The following USP24 variants were observed in gnomAD, a reference collection of about 807,000 sequenced individuals.
USP24 encodes ubiquitin specific peptidase 24, also known as ubiquitin carboxyl-terminal hydrolase 24.
USP24 carries 97 observed loss-of-function variants against 361.6 expected under a neutral mutation model. That is an observed-to-expected ratio of 0.27 (90% CI 0.23 to 0.32). USP24 has a LOEUF of 0.32. Among genes scored for constraint, USP24 ranks in the 10% least tolerant of loss-of-function variants. The pLI is 1.00. For synonymous variants in USP24, 1,098 were observed against 1,124.6 expected, an observed-to-expected ratio of 0.98 and a Z score of 0.47; for missense variants, 2,353 against 3,165.6, an observed-to-expected ratio of 0.74 and a Z score of 6.16.
At chr1:55,081,446 T>G in intron 58 of USP24, 22 bp from the exon 59 acceptor site, 1 of 1,606,200 alleles carries the variant, frequency 6.2e-7, no homozygotes, top group Non-Finnish European at 8.5e-7. Flanking sequence ...GAAGATAAAG[T>G]GGCTGTTAGT....
chr1:55,153,618 C>T (rs965114433), intron 16 of USP24, among the ~76,000 whole-genome samples: 2 of 151,994 alleles, frequency 1.3e-5, no homozygotes, highest in African/African-American at 4.8e-5. Context: ...AGTTGAAAAT[C>T]TTCTAATTTT....
At chr1:55,095,112 G>A in intron 51 of USP24, 143 bp downstream of exon 51, 1 of 1,002,002 alleles carries the variant, frequency 1.0e-6, no homozygotes, top group Non-Finnish European at 1.4e-6. Context: ...GAAGCAATAA[G>A]GGATTTATTT....
chr1:55,151,678 T>A (rs1228595989), intron 16 of USP24, among the ~76,000 whole-genome samples: 3 of 152,018 alleles, frequency 2.0e-5, no homozygotes, highest in Non-Finnish European at 2.9e-5. Context: ...AGGGAAGGAT[T>A]GGGGTAGACA....
At chr1:55,162,394 T>C (rs150433271) in intron 7 of USP24, 130 bp from the exon 8 acceptor site, 152 of 607,458 alleles carry the variant, frequency 2.5e-4, no homozygotes, top group Middle Eastern at 1.6e-3. Context: ...AATAGAAGAC[T>C]AGAGAAACTA....
At chr1:55,100,628 A>T (rs1645610123) in intron 44 of USP24, among the ~76,000 whole-genome samples, 1 of 152,216 alleles carries the variant, frequency 6.6e-6, no homozygotes, top group Non-Finnish European at 1.5e-5. Context: ...AATTAAGATG[A>T]GCAAATTCCT....
intron 25 of USP24, 68 bp downstream of exon 25, chr1:55,138,876 G>C: frequency 2.0e-6 from 3 of 1,518,704 alleles, no homozygotes; most frequent in Non-Finnish European, 2.7e-6. Context: ...TGCTAGAAAG[G>C]CTGAGGTGGG....
chr1:55,105,607 C>G (rs1178853670), intron 41 of USP24, among the ~76,000 whole-genome samples: 1 of 152,140 alleles, frequency 6.6e-6, no homozygotes, highest in Non-Finnish European at 1.5e-5. Flanking sequence ...CTTCCTACCT[C>G]CAAGAGTATA....
At chr1:55,174,295 G>T (rs1179980762) in intron 3 of USP24, among the ~76,000 whole-genome samples, 1 of 152,160 alleles carries the variant, frequency 6.6e-6, no homozygotes, top group African/African-American at 2.4e-5. Context: ...TAGGTAAGTA[G>T]TACCAATTAT....
intron 36 of USP24, among the ~76,000 whole-genome samples, chr1:55,122,994 G>A (rs1646326276): frequency 6.6e-6 from 1 of 152,068 alleles, no homozygotes; most frequent in African/African-American, 2.4e-5. Flanking sequence ...AGAGATGATA[G>A]GACCTGAGCC....
chr1:55,110,049 A>C, intron 39 of USP24, 136 bp downstream of exon 39: 1 of 676,820 alleles, frequency 1.5e-6, no homozygotes. Context: ...TATTTTCAAG[A>C]AAACAAGGTT....
At chr1:55,213,049 T>C (rs1378924566) in intron 1 of USP24, among the ~76,000 whole-genome samples, 1 of 152,130 alleles carries the variant, frequency 6.6e-6, no homozygotes, top group Admixed American at 6.5e-5. Context: ...TTAAAAGGTA[T>C]GACAAAAGAA....
rs1181375490 is a variant in USP24, at chr1:55,075,401, A to ATATTTACTATATG, written c.7447+55_7447+56insCATATAGTAAATA. On this transcript the variant is annotated intron_variant, in intron 63 of 67. Coordinates refer to ENST00000294383, the MANE Select transcript of USP24 (RefSeq NM_015306.3). ...GCAGGAGGCAGAACTGGCCAGAACAATAGATTATCCACATATTTACTATAG... is the reference window on the plus strand; with the variant it reads ...GCAGGAGGCAGAACTGGCCAGAACAATATTTACTATATGTAGATTATCCACATATTTACTATAG... 5.3e-6 allele frequency: 8 copies of ATATTTACTATATG among 1,500,034 alleles called. No homozygotes were observed. The African/African-American group carries it at 1.1e-4, about 21-fold the overall frequency. 92.9% of individuals were successfully genotyped at this position (1,500,034 alleles called of 1,614,324 possible). A position where few individuals can be genotyped will look rare whatever the true frequency, so the allele number is the denominator to read the frequency against.
chr1:55,178,440 G>A (rs1029471845), intron 1 of USP24, among the ~76,000 whole-genome samples: 8 of 152,068 alleles, frequency 5.3e-5, no homozygotes, highest in East Asian at 3.9e-4. Context: ...AGGCCGAGAC[G>A]GGTGGATCAC....
At chr1:55,176,169 C>T (rs1253418421) in intron 3 of USP24, among the ~76,000 whole-genome samples, 1 of 152,066 alleles carries the variant, frequency 6.6e-6, no homozygotes, top group Admixed American at 6.5e-5. Context: ...TAACCAAAGA[C>T]ACATACAGAC....
chr1:55,182,075 C>T (rs566063395), intron 1 of USP24, among the ~76,000 whole-genome samples: 4 of 152,176 alleles, frequency 2.6e-5, no homozygotes, highest in Non-Finnish European at 2.9e-5. Context: ...TTTTTTGAGA[C>T]GGAGTCTCGC....
At chr1:55,102,304 C>G (rs766085121) in intron 42 of USP24, among the ~76,000 whole-genome samples, 17 of 152,210 alleles carry the variant, frequency 1.1e-4, no homozygotes, top group Admixed American at 7.9e-4. Context: ...GGTGACTATC[C>G]TACCATTTTA....
At chr1:55,079,887 C>T (rs573065040) in intron 59 of USP24, among the ~76,000 whole-genome samples, 2 of 152,048 alleles carry the variant, frequency 1.3e-5, no homozygotes, top group Non-Finnish European at 2.9e-5. Context: ...ACACAGTACT[C>T]GCACACACAG....
At chr1:55,194,962 T>C (rs1644378454) in intron 1 of USP24, among the ~76,000 whole-genome samples, 1 of 152,096 alleles carries the variant, frequency 6.6e-6, no homozygotes, top group African/African-American at 2.4e-5. Flanking sequence ...TACCAGTCCA[T>C]ATCACCACTC....
intron 3 of USP24, among the ~76,000 whole-genome samples, chr1:55,174,134 G>A (rs1209144178): frequency 6.6e-6 from 1 of 152,188 alleles, no homozygotes; most frequent in Non-Finnish European, 1.5e-5. Context: ...AGGTGAAGAA[G>A]GTGGAAATGA....
Sources: allele counts gnomAD v4.1 joint callset (sites outside exome capture counted in the v4.1 genomes callset), GRCh38; gene constraint gnomAD v4.1.1; transcripts MANE v1.5; gene names NCBI Gene and HGNC (gene_info 2026-07-23, HGNC 2026-07-21).